The following PRKD1 variants were observed in gnomAD, a reference collection of about 807,000 sequenced individuals.
PRKD1 encodes the protein serine/threonine-protein kinase D1.
Under a neutral mutation model 95.9 loss-of-function variants are expected in PRKD1, and 63 were observed. The observed-to-expected ratio is 0.66, with a 90% CI of 0.54 to 0.81. The LOEUF (loss-of-function observed/expected upper bound fraction) is 0.81, where lower values mean the gene tolerates loss of function less well. Ranked by LOEUF, PRKD1 falls within the 30% of genes least tolerant of loss-of-function variation. PRKD1 has a pLI of 0.00. For synonymous variants in PRKD1, 425 were observed against 423.1 expected (o/e 1.00, Z -0.05); for missense variants, 1,048 against 1,165.3 (o/e 0.90, Z 1.47).
chr14:29,784,158 T>C lies in PRKD1; in HGVS notation c.265-58484A>G, dbSNP rs150125329. 1.5e-3 allele frequency among the ~76,000 whole-genome samples: 225 copies of C among 152,344 alleles called. 1 individual carries two copies. Among genetic ancestry groups the C allele is most frequent in the Middle Eastern group, 6.8e-3 (2 of 294 alleles). On this transcript the variant is annotated intron_variant, in intron 1 of 17. Transcript: ENST00000331968. Reference sequence around the variant, plus strand: ...AATTGACTTTCTATATGGTGAAAGATAGGAGTCTAGTTTCATTCCTCTGCA... The same window carrying C: ...AATTGACTTTCTATATGGTGAAAGACAGGAGTCTAGTTTCATTCCTCTGCA...
At chr14:29,885,859 C>G (rs1260393784) in intron 1 of PRKD1, among the ~76,000 whole-genome samples, 1 of 148,562 alleles carries the variant, frequency 6.7e-6, no homozygotes, top group African/African-American at 2.5e-5. Flanking sequence ...CGCACCTACT[C>G]AGGAAGCTGA....
chr14:29,815,937 A>T (rs1220844435), intron 1 of PRKD1, among the ~76,000 whole-genome samples: 1 of 152,150 alleles, frequency 6.6e-6, no homozygotes, highest in Non-Finnish European at 1.5e-5. Context: ...TAGTCATATC[A>T]GGCCGGGCGC....
At position 29,599,739 on chromosome 14, in the gene PRKD1, G is replaced by A. The variant is rs150757705; in HGVS notation, c.1984C>T (p.Leu662Phe). 1.2e-5 allele frequency: 20 copies of A among 1,613,284 alleles called. No individual in the cohort carries two copies. Among genetic ancestry groups the A allele is most frequent in the Non-Finnish European group, 1.7e-5 (20 of 1,179,704 alleles). Residue 662 changes from leucine (L) to phenylalanine (F), a missense_variant, in exon 14 of 18, where the codon CTC (leucine) becomes TTC (phenylalanine). Around this residue, in one of 3 missense-constraint regions of PRKD1, gnomAD observed 739 missense variants for 861.9 expected, o/e 0.86. Transcript: ENST00000331968. ...PERVFVVMEK[L>F]HGDMLEMILS... ...ATCATTTCCAGCATGTCTCCATGGA[G>A]TTTTTCCATAACAACAAACACTCTT...
intron 1 of PRKD1, among the ~76,000 whole-genome samples, chr14:29,855,363 T>C (rs1414181092): frequency 1.3e-5 from 2 of 152,202 alleles, no homozygotes; most frequent in South Asian, 2.1e-4. Context: ...GGAGATCATT[T>C]TGAAGCTTTA....
intron 2 of PRKD1, among the ~76,000 whole-genome samples, chr14:29,700,988 G>GCACACACACACACACACACA (rs1555337072): frequency 1.1e-3 from 102 of 90,588 alleles, no homozygotes; most frequent in Middle Eastern, 5.1e-3. Flanking sequence ...GCGCGCGCGC[G>GCACACACACACACACACACA]CACACACACA....
At chr14:29,727,850 G>C (rs2139401102) in intron 1 of PRKD1, among the ~76,000 whole-genome samples, 1 of 151,594 alleles carries the variant, frequency 6.6e-6, no homozygotes, top group Non-Finnish European at 1.5e-5. Flanking sequence ...ATGAGTTCAT[G>C]TCCTTTGTAG....
chr14:29,887,659 T>C (rs947476754), intron 1 of PRKD1, among the ~76,000 whole-genome samples: 2 of 152,228 alleles, frequency 1.3e-5, no homozygotes, highest in African/African-American at 4.8e-5. Context: ...AAACCACATA[T>C]ACAATGGTGG....
At chr14:29,835,734 C>G (rs933948866) in intron 1 of PRKD1, among the ~76,000 whole-genome samples, 1 of 152,146 alleles carries the variant, frequency 6.6e-6, no homozygotes, top group East Asian at 1.9e-4. Flanking sequence ...CCACACCCAG[C>G]TAATTTTTGT....
chr14:29,722,329 A>G (rs1268429447), intron 2 of PRKD1, among the ~76,000 whole-genome samples: 1 of 152,158 alleles, frequency 6.6e-6, no homozygotes, highest in East Asian at 1.9e-4. Context: ...TATGTAATCC[A>G]AGCTCTCCTG....
At chr14:29,634,838 C>T (rs1458064944) in intron 7 of PRKD1, among the ~76,000 whole-genome samples, 1 of 151,942 alleles carries the variant, frequency 6.6e-6, no homozygotes, top group African/African-American at 2.4e-5. Flanking sequence ...TCAAGACCAG[C>T]CTGGCCAAGA....
intron 4 of PRKD1, among the ~76,000 whole-genome samples, chr14:29,654,660 C>T (rs147070554): frequency 5.4e-4 from 82 of 152,160 alleles, no homozygotes; most frequent in African/African-American, 1.9e-3. Context: ...ATCTACTTGT[C>T]GGTATATGGT....
At chr14:29,725,434 T>C in intron 2 of PRKD1, 102 bp downstream of exon 2, 1 of 1,393,350 alleles carries the variant, frequency 7.2e-7, no homozygotes, top group South Asian at 1.4e-5. Flanking sequence ...TGGAGCTGAG[T>C]TTGAGATATG....
Position 29,597,524 on chromosome 14 carries a change from G to A in PRKD1, c.2401C>T (p.Pro801Ser). The A allele has an allele frequency of 1.2e-6, 2 of 1,610,324 alleles. No individual in the cohort carries two copies. Among genetic ancestry groups the A allele is most frequent in the Non-Finnish European group, 1.7e-6 (2 of 1,176,916 alleles). ...DQIQNAAFMY[P>S]PNPWKEISHE... ...GATATTTCCTTCCAGGGATTTGGTG[G>A]ATACATGAAAGCTGCATTCTGAATT... The change falls in exon 16 of 18, where the codon CCA (proline) becomes TCA (serine). Residue 801 changes from proline to serine, a missense_variant. Pro to Ser is a moderately conservative substitution (Grantham distance 74, BLOSUM62 -1). This residue lies in a region of PRKD1 where 739 missense variants were observed against 861.9 expected (regional missense o/e 0.86). Transcript: ENST00000331968.
chr14:29,656,431 A>G, intron 4 of PRKD1: 1 of 1,495,536 alleles, frequency 6.7e-7, no homozygotes, highest in Non-Finnish European at 9.0e-7. Flanking sequence ...GGTTTGAAAA[A>G]GACAGTGAAG....
intron 10 of PRKD1, 76 bp downstream of exon 10, chr14:29,630,666 G>C (rs1475629535): frequency 6.4e-7 from 1 of 1,563,210 alleles, no homozygotes; most frequent in African/African-American, 1.4e-5. Context: ...TCTTAGGAAG[G>C]GCAGGGCACA....
chr14:29,815,230 G>C (rs1350772531), intron 1 of PRKD1, among the ~76,000 whole-genome samples: 1 of 152,180 alleles, frequency 6.6e-6, no homozygotes, highest in African/African-American at 2.4e-5. Flanking sequence ...ACTACCATTA[G>C]AAACATCTAA....
chr14:29,922,234 G>C (rs1238632252), intron 1 of PRKD1, among the ~76,000 whole-genome samples: 1 of 150,332 alleles, frequency 6.7e-6, no homozygotes, highest in Non-Finnish European at 1.5e-5. Context: ...CCAGGAGGCA[G>C]AGTTTGCAGT....
At chr14:29,892,143 C>A (rs1395539554) in intron 1 of PRKD1, among the ~76,000 whole-genome samples, 1 of 152,156 alleles carries the variant, frequency 6.6e-6, no homozygotes, top group Non-Finnish European at 1.5e-5. Flanking sequence ...AAATGTTTTT[C>A]CTACAAACAG....
At chr14:29,596,060 G>A (rs1032822244) in intron 16 of PRKD1, among the ~76,000 whole-genome samples, 1 of 152,108 alleles carries the variant, frequency 6.6e-6, no homozygotes, top group Admixed American at 6.6e-5. Flanking sequence ...TAGGCCACAG[G>A]TTCCTTTAAG....
Sources: allele counts gnomAD v4.1 joint callset (sites outside exome capture counted in the v4.1 genomes callset), GRCh38; gene constraint gnomAD v4.1.1; regional missense constraint gnomAD v4.1.1; transcripts MANE v1.5; gene names NCBI Gene and HGNC (gene_info 2026-07-23, HGNC 2026-07-21).